The following DNAH3 variants were observed in gnomAD, a reference collection of about 807,000 sequenced individuals.
DNAH3 encodes the protein axonemal beta dynein heavy chain 3.
DNAH3 carries 332 observed loss-of-function variants against 432.5 expected under a neutral mutation model. The observed-to-expected ratio is 0.77, with a 90% CI of 0.70 to 0.84. The LOEUF (loss-of-function observed/expected upper bound fraction) is 0.84. Among genes scored for constraint, DNAH3 ranks in the 40% least tolerant of loss-of-function variants. The pLI is 0.00. For missense variants in DNAH3, 4,861 were observed against 5,114.0 expected (o/e 0.95, Z 1.51); for synonymous variants, 1,956 against 1,900.2 (o/e 1.03, Z -0.76).
chr16:21,098,155 C>G (rs1390313645), intron 17 of DNAH3, among the ~76,000 whole-genome samples: 2 of 152,036 alleles, frequency 1.3e-5, no homozygotes, highest in Non-Finnish European at 2.9e-5. Context: ...GTTGAAAGTA[C>G]CAGTGAGCCA....
At chr16:20,935,390 C>G in exon 61 of DNAH3, 2 of 1,613,884 alleles carry the variant, frequency 1.2e-6, no homozygotes, top group Non-Finnish European at 1.7e-6. Context: ...TGGTATATTT[C>G]CGGGCATAAT....
chr16:21,015,580 T>C (rs868274167), intron 41 of DNAH3, among the ~76,000 whole-genome samples: 1 of 152,156 alleles, frequency 6.6e-6, no homozygotes, highest in Non-Finnish European at 1.5e-5. Flanking sequence ...TTAGCAATAT[T>C]GGTTCATCAA....
intron 24 of DNAH3, among the ~76,000 whole-genome samples, chr16:21,065,896 G>C (rs573787602): frequency 1.3e-5 from 2 of 151,808 alleles, no homozygotes; most frequent in Non-Finnish European, 2.9e-5. Context: ...GTATGATCTC[G>C]GCTCACTGCA....
intron 41 of DNAH3, among the ~76,000 whole-genome samples, chr16:21,010,627 T>C (rs1023553637): frequency 5.9e-5 from 9 of 152,180 alleles, no homozygotes; most frequent in Non-Finnish European, 1.2e-4. Flanking sequence ...ATGTCTTGCA[T>C]ATCATGAAAA....
chr16:21,136,184 A>G (rs1231250694), intron 6 of DNAH3, 140 bp downstream of exon 7: 3 of 753,364 alleles, frequency 4.0e-6, no homozygotes, highest in Non-Finnish European at 6.5e-6. Context: ...GAGGCTAAGG[A>G]GGGAGGATTG....
At chr16:21,076,676 C>A (rs932713194) in intron 20 of DNAH3, among the ~76,000 whole-genome samples, 3 of 152,010 alleles carry the variant, frequency 2.0e-5, no homozygotes, top group Non-Finnish European at 4.4e-5. Context: ...TCTGCTTGAA[C>A]CCTCATAAAA....
chr16:21,154,550 C>T (rs531756440), intron 1 of DNAH3, among the ~76,000 whole-genome samples: 12 of 152,284 alleles, frequency 7.9e-5, no homozygotes, highest in Non-Finnish European at 1.6e-4. Context: ...TAATGGCTTT[C>T]GCTTATTGAG....
rs201152294 is a variant in DNAH3, at chr16:21,111,991, A to G, written c.1920+2T>C. ...TATAAAATCTCAAGTGGCATTTCCT[A>G]CCGTCACAAAATCATCAATGTCATG... On this transcript the variant is annotated splice_donor_variant, in intron 13 of 61. Transcript: ENST00000261383. LOFTEE classifies it high-confidence loss of function. 14 of 1,612,286 alleles carry G rather than the reference A, an allele frequency of 8.7e-6. No individual in the cohort carries two copies. The East Asian group carries it at 3.1e-4, about 36-fold the overall frequency.
At chr16:21,121,425 A>G (rs1186021551) in intron 10 of DNAH3, among the ~76,000 whole-genome samples, 1 of 152,210 alleles carries the variant, frequency 6.6e-6, no homozygotes, top group East Asian at 1.9e-4. Flanking sequence ...ATAAGCACAC[A>G]GAAGAGTGAA....
intron 10 of DNAH3, among the ~76,000 whole-genome samples, chr16:21,121,318 C>A (rs1272275747): frequency 1.3e-5 from 2 of 152,304 alleles, no homozygotes; most frequent in East Asian, 3.9e-4. Context: ...AGTAACTCTA[C>A]CCTGGAAAGC....
chr16:21,096,322 G>C (rs190061919), intron 18 of DNAH3, among the ~76,000 whole-genome samples: 1 of 151,358 alleles, frequency 6.6e-6, no homozygotes, highest in African/African-American at 2.4e-5. Flanking sequence ...GTAGAGACAG[G>C]GTTCTCACTA....
chr16:21,148,659 G>A (rs2152834645), intron 1 of DNAH3, among the ~76,000 whole-genome samples: 1 of 152,234 alleles, frequency 6.6e-6, no homozygotes, highest in South Asian at 2.1e-4. Flanking sequence ...TGGAAAGAGG[G>A]AGAACCTCTG....
chr16:21,034,449 G>T (rs1365792711), intron 35 of DNAH3, among the ~76,000 whole-genome samples: 2 of 152,208 alleles, frequency 1.3e-5, no homozygotes, highest in Non-Finnish European at 2.9e-5. Context: ...ATCAGTGATG[G>T]AGCCAGAATT....
Position 21,098,603 on chromosome 16 carries a change from CAA to C in DNAH3, c.2520+11_2520+12del. The stretch of plus-strand genomic sequence containing the variant: ...AGTACAGTGTCATAAGTCCCCATCT[CAA>C]GATCCCAAACCTCAAACTCTGCAAA... On this transcript the variant is annotated intron_variant, in intron 17 of 61. Transcript: ENST00000261383. 6.2e-7 allele frequency: 1 copy of C among 1,606,116 alleles called. No homozygotes were observed. Among genetic ancestry groups the C allele is most frequent in the Non-Finnish European group, 8.5e-7 (1 of 1,176,698 alleles).
At chr16:21,132,460 A>G (rs1230289201) in intron 7 of DNAH3, among the ~76,000 whole-genome samples, 2 of 152,200 alleles carry the variant, frequency 1.3e-5, no homozygotes, top group Admixed American at 6.5e-5. Flanking sequence ...TGAAGGGCTC[A>G]CTAAAAAAAC....
intron 1 of DNAH3, among the ~76,000 whole-genome samples, chr16:21,156,451 C>G (rs1341267143): frequency 3.9e-5 from 6 of 151,996 alleles, no homozygotes; most frequent in Non-Finnish European, 8.8e-5. Flanking sequence ...AGGCTGGTCT[C>G]GAACTCCTAG....
chr16:20,936,532 C>G, intron 60 of DNAH3, 117 bp downstream of exon 60: 1 of 866,848 alleles, frequency 1.2e-6, no homozygotes, highest in South Asian at 1.6e-5. Flanking sequence ...GAGGCTCAAT[C>G]CAGGATGTTC....
At chr16:20,954,784 G>C in intron 55 of DNAH3, 29 bp downstream of exon 55, 1 of 1,608,742 alleles carries the variant, frequency 6.2e-7, no homozygotes, top group Middle Eastern at 1.7e-4. Context: ...CTTTCCCTCA[G>C]GCCACTCAGG....
At chr16:21,077,040 T>C (rs758268815) in intron 20 of DNAH3, among the ~76,000 whole-genome samples, 1 of 152,160 alleles carries the variant, frequency 6.6e-6, no homozygotes. Context: ...TCTCCAGATA[T>C]TTCCAAGTGT....
Sources: allele counts gnomAD v4.1 joint callset (sites outside exome capture counted in the v4.1 genomes callset), GRCh38; gene constraint gnomAD v4.1.1; transcripts MANE v1.5; gene names NCBI Gene and HGNC (gene_info 2026-07-23, HGNC 2026-07-21).